Variants in SSBP2 observed in about 807,000 individuals in gnomAD.
The protein encoded by SSBP2 is single-stranded DNA-binding protein 2.
SSBP2 carries 17 observed loss-of-function variants against 61.8 expected under a neutral mutation model. The ratio of observed to expected loss-of-function variants is 0.28; its 90% CI spans 0.19 to 0.41. The LOEUF is 0.41. Ranked by LOEUF, SSBP2 falls within the 10% of genes least tolerant of loss-of-function variation. SSBP2 has a pLI of 1.00. For missense variants in SSBP2, 310 were observed against 458.7 expected (o/e 0.68, Z 2.96); for synonymous variants, 139 against 141.3 (o/e 0.98, Z 0.12).
chr5:81,740,136 C>A (rs1199825331), intron 1 of SSBP2, among the ~76,000 whole-genome samples: 2 of 152,102 alleles, frequency 1.3e-5, no homozygotes, highest in Non-Finnish European at 2.9e-5. Flanking sequence ...ATTACTAAGT[C>A]ATTCCCAAGA....
intron 1 of SSBP2, among the ~76,000 whole-genome samples, chr5:81,653,932 C>T (rs1012352652): frequency 2.0e-5 from 3 of 151,950 alleles, no homozygotes; most frequent in East Asian, 1.9e-4. Context: ...TGACATCTTC[C>T]GTCCCAAGCT....
At chr5:81,461,125 G>C (rs1764512512) in intron 9 of SSBP2, 22 bp from the exon 10 acceptor site, 1 of 1,560,754 alleles carries the variant, frequency 6.4e-7, no homozygotes. Context: ...TTTGATAAAT[G>C]AAATTTTAAC....
At chr5:81,424,609 G>T (rs1222065177) in intron 16 of SSBP2, among the ~76,000 whole-genome samples, 1 of 152,114 alleles carries the variant, frequency 6.6e-6, no homozygotes, top group Non-Finnish European at 1.5e-5. Flanking sequence ...TTACACTCCT[G>T]AGGCTGTAAA....
intron 9 of SSBP2, among the ~76,000 whole-genome samples, chr5:81,465,518 C>T (rs939022800): frequency 9.9e-5 from 15 of 151,630 alleles, no homozygotes; most frequent in African/African-American, 1.5e-4. Flanking sequence ...TAAAGTTGGC[C>T]GTATGATCAA....
intron 4 of SSBP2, among the ~76,000 whole-genome samples, chr5:81,581,405 T>C (rs1774635884): frequency 6.6e-6 from 1 of 152,214 alleles, no homozygotes; most frequent in Admixed American, 6.5e-5. Flanking sequence ...TGTTACTTTA[T>C]ACCTTACAAT....
chr5:81,479,423 TG>T (rs1765819449), intron 6 of SSBP2, among the ~76,000 whole-genome samples: 4 of 152,116 alleles, frequency 2.6e-5, no homozygotes, highest in Non-Finnish European at 4.4e-5. Flanking sequence ...CCTTAGTAGC[TG>T]GGATCACAGG....
intron 3 of SSBP2, among the ~76,000 whole-genome samples, chr5:81,626,008 C>T (rs1183733339): frequency 6.6e-6 from 1 of 152,110 alleles, no homozygotes; most frequent in Non-Finnish European, 1.5e-5. Context: ...GTCTTTGTCC[C>T]AAAAATATAT....
At position 81,427,214 on chromosome 5, in the gene SSBP2, C is replaced by T. The variant is rs78736000; in HGVS notation, c.1056+1371G>A. Among the ~76,000 whole-genome samples the T allele has an allele frequency of 6.1e-3, 933 of 152,206 alleles. 8 individuals are homozygous for T. The highest frequency in any genetic ancestry group is 0.02 in the African/African-American group (811 of 41,526). On this transcript the variant is annotated intron_variant, in intron 16 of 16. Coordinates refer to ENST00000320672, the MANE Select transcript of SSBP2 (RefSeq NM_012446.5). ...AATTAATTTGTCCATAGTTTTGAAG[C>T]AAACCACTCAAAGAACCAGGATCTA...
At chr5:81,594,599 A>T (rs1320188627) in intron 4 of SSBP2, among the ~76,000 whole-genome samples, 2 of 152,252 alleles carry the variant, frequency 1.3e-5, no homozygotes, top group African/African-American at 4.8e-5. Context: ...GAAGTAAAGC[A>T]CTCCTCAGCA....
intron 1 of SSBP2, among the ~76,000 whole-genome samples, chr5:81,653,023 A>C (rs541338325): frequency 6.6e-6 from 1 of 151,262 alleles, no homozygotes; most frequent in Non-Finnish European, 1.5e-5. Context: ...ATGTATACAC[A>C]TGCCACGGTG....
Position 81,567,308 on chromosome 5 carries a change from C to G in SSBP2, c.282+48165G>C, listed in dbSNP as rs1420019868. On this transcript the variant is annotated intron_variant, in intron 4 of 16. Transcript: ENST00000320672. ...TTTCTCTATGTCCCAGCTGTTCCAG[C>G]CATGGCTGAAAGGGACTAATGTAGA... is the stretch of plus-strand genomic sequence containing the variant. Among the ~76,000 whole-genome samples the G allele has an allele frequency of 3.4e-4, 51 of 152,190 alleles. 1 individual carries two copies. Among genetic ancestry groups the G allele is most frequent in the Admixed American group, 3.3e-3 (51 of 15,286 alleles).
chr5:81,475,939 G>A (rs1765557769), intron 6 of SSBP2, among the ~76,000 whole-genome samples: 1 of 152,076 alleles, frequency 6.6e-6, no homozygotes, highest in Admixed American at 6.6e-5. Flanking sequence ...CAGATTGTGT[G>A]TGTGTGCATG....
intron 10 of SSBP2, among the ~76,000 whole-genome samples, chr5:81,453,409 G>A (rs142173869): frequency 1.7e-3 from 264 of 151,750 alleles, no homozygotes; most frequent in African/African-American, 6.1e-3. Flanking sequence ...TTTTTAAGAA[G>A]GAGGTAGCAG....
At chr5:81,746,001 T>C (rs1293748638) in intron 1 of SSBP2, among the ~76,000 whole-genome samples, 2 of 152,114 alleles carry the variant, frequency 1.3e-5, no homozygotes, top group Non-Finnish European at 2.9e-5. Context: ...AATGTAGTGA[T>C]TTTGTCTGCA....
chr5:81,550,346 A>G (rs953443012), intron 4 of SSBP2, among the ~76,000 whole-genome samples: 1 of 152,178 alleles, frequency 6.6e-6, no homozygotes, highest in African/African-American at 2.4e-5. Flanking sequence ...ATCCTATCTT[A>G]TATTATTGTA....
At chr5:81,646,350 A>G (rs553157116) in intron 2 of SSBP2, among the ~76,000 whole-genome samples, 7 of 152,288 alleles carry the variant, frequency 4.6e-5, no homozygotes, top group African/African-American at 1.7e-4. Flanking sequence ...TGCCATTTCA[A>G]TCATTTCCAT....
At chr5:81,571,477 T>C (rs1476175351) in intron 4 of SSBP2, among the ~76,000 whole-genome samples, 1 of 152,184 alleles carries the variant, frequency 6.6e-6, no homozygotes, top group African/African-American at 2.4e-5. Flanking sequence ...CTATTCCTTC[T>C]TACAGTACTG....
chr5:81,547,225 T>A (rs1308725841), intron 4 of SSBP2, among the ~76,000 whole-genome samples: 1 of 152,094 alleles, frequency 6.6e-6, no homozygotes. Context: ...ACCAAACATA[T>A]TTTTACCATA....
chr5:81,673,769 T>A (rs769627960), intron 1 of SSBP2, among the ~76,000 whole-genome samples: 2 of 152,202 alleles, frequency 1.3e-5, no homozygotes, highest in African/African-American at 4.8e-5. Flanking sequence ...GCTAAAGACG[T>A]TGGCACTAAA....
Sources: gnomAD v4.1 joint callset for allele counts (sites outside exome capture counted in the v4.1 genomes callset) on GRCh38, gnomAD v4.1.1 for gene constraint, MANE v1.5 for transcripts, NCBI Gene and HGNC (gene_info 2026-07-23, HGNC 2026-07-21) for gene names.